PIK3CD: variants seen among roughly 807,000 people sequenced by gnomAD.
The protein encoded by PIK3CD is phosphatidylinositol-4,5-bisphosphate 3-kinase catalytic subunit delta.
In PIK3CD, 20 loss-of-function variants were observed where a neutral mutation model predicts 122.9. The observed-to-expected ratio is 0.16, with a 90% CI of 0.11 to 0.24. PIK3CD has a LOEUF of 0.24. Ranked by LOEUF, PIK3CD falls within the 10% of genes least tolerant of loss-of-function variation. The pLI is 1.00. For missense variants in PIK3CD, 787 were observed against 1,406.3 expected (o/e 0.56, Z 7.04); for synonymous variants, 596 against 593.4 (o/e 1.00, Z -0.06).
At chr1:9,650,596 C>T (rs570312938), upstream of PIK3CD, among the ~76,000 whole-genome samples, 35 of 151,496 alleles carry the variant, frequency 2.3e-4, no homozygotes, top group South Asian at 6.7e-3. Flanking sequence ...TGCATTCCAG[C>T]CTGGACAACA....
At chr1:9,658,351 A>G (rs532789984) in intron 1 of PIK3CD, among the ~76,000 whole-genome samples, 27 of 145,260 alleles carry the variant, frequency 1.9e-4, no homozygotes, top group African/African-American at 7.0e-4. Flanking sequence ...GCAACACTGC[A>G]CTCTAGCCTG....
At chr1:9,638,458 A>C in the PIK3CD span, among the ~76,000 whole-genome samples, 12 of 152,026 alleles carry the variant, frequency 7.9e-5, no homozygotes, top group African/African-American at 1.4e-4. Context: ...CTAGGCCGGG[A>C]GCGGTGGCTC....
In PIK3CD at chr1:9,728,695, AGTGCGCCTGT is replaced by A. The variant is rs1427004742; in HGVS notation, c.*1656_*1665del. 2 of 152,366 alleles carry A rather than the reference AGTGCGCCTGT, an allele frequency of 1.3e-5. No individual in the cohort carries two copies. The highest frequency in any genetic ancestry group is 6.5e-5 in the Admixed American group (1 of 15,308). The allele number at this position is 152,366 out of a possible 1,614,324, so 9.4% of individuals were successfully genotyped here. A position where few individuals can be genotyped will look rare whatever the true frequency, so the allele number is the denominator to read the frequency against. On this transcript the variant is annotated 3_prime_UTR_variant, in exon 24 of 24. Coordinates refer to ENST00000377346, the MANE Select transcript of PIK3CD (RefSeq NM_005026.5). ...GCCGTGCGTGCGCGTTATTTATTTA[AGTGCGCCTGT>A]GTGCGCGGGTGTGGGAGCACACTTT... is the stretch of plus-strand genomic sequence containing the variant.
At chr1:9,657,464 AAAG>A (rs1644890845) in intron 1 of PIK3CD, among the ~76,000 whole-genome samples, 1 of 152,024 alleles carries the variant, frequency 6.6e-6, no homozygotes, top group Non-Finnish European at 1.5e-5. Context: ...GACTTTAGGC[AAAG>A]ATGTCAGAGT....
At chr1:9,654,119 G>A (rs7511971) in intron 1 of PIK3CD, 267,107 of 1,190,944 alleles carry the variant, frequency 0.22, 38,073 homozygotes, top group East Asian at 0.65. Context: ...AGACAACTAA[G>A]CTAGCCTCCT....
chr1:9,709,955 G>A (rs541662645), intron 2 of PIK3CD, among the ~76,000 whole-genome samples: 6 of 151,940 alleles, frequency 3.9e-5, no homozygotes, highest in Non-Finnish European at 7.4e-5. Context: ...GCAGTGAGCC[G>A]AGGTGGTGCC....
intron 1 of PIK3CD, among the ~76,000 whole-genome samples, chr1:9,683,582 G>T (rs899503509): frequency 6.6e-6 from 1 of 152,114 alleles, no homozygotes; most frequent in Non-Finnish European, 1.5e-5. Flanking sequence ...TTCCTGCACG[G>T]CTTCGGCGTC....
Position 9,719,014 on chromosome 1 carries a change from C to A in PIK3CD, c.1242+99C>A. The A allele has an allele frequency of 8.7e-7, 1 of 1,151,386 alleles. No homozygotes were observed. Among genetic ancestry groups the A allele is most frequent in the Non-Finnish European group, 1.3e-6 (1 of 791,724 alleles). 71.3% of individuals were successfully genotyped at this position (1,151,386 alleles called of 1,614,324 possible). On this transcript the variant is annotated intron_variant, in intron 9 of 23. Transcript: ENST00000377346. This position sits in a 1 kb window ranked among gnomAD's most constrained non-coding sequence, Gnocchi z 5.5. The stretch of plus-strand genomic sequence containing the variant: ...ACTCTCCTCCCGGCAAGCACGCAGC[C>A]TGGGGATGGGGGTCCTGGGATTGCT...
chr1:9,684,322 G>C (rs373187152), intron 1 of PIK3CD, among the ~76,000 whole-genome samples: 25 of 152,044 alleles, frequency 1.6e-4, no homozygotes, highest in African/African-American at 5.5e-4. Flanking sequence ...GGATCACCTG[G>C]GGTCAGGAGT....
chr1:9,674,692 CAAAA>C (rs35463378), intron 1 of PIK3CD, among the ~76,000 whole-genome samples: 1 of 58,212 alleles, frequency 1.7e-5, no homozygotes, highest in Non-Finnish European at 3.8e-5. Flanking sequence ...GACTCCGTCT[CAAAA>C]AAAAAAAAAA....
At chr1:9,658,981 G>T (rs903509245) in intron 1 of PIK3CD, among the ~76,000 whole-genome samples, 6 of 152,230 alleles carry the variant, frequency 3.9e-5, no homozygotes, top group Non-Finnish European at 7.3e-5. Context: ...TGTCTGCAAA[G>T]GAGCTGGTGT....
In PIK3CD at chr1:9,716,451, C is replaced by T. The variant is rs777129776; in HGVS notation, c.612C>T (p.Thr204=). 3.1e-6 allele frequency: 5 copies of T among 1,611,094 alleles called. No individual in the cohort carries two copies. The highest frequency in any genetic ancestry group is 2.2e-5 in the East Asian group (1 of 44,890). Residue 204 remains threonine, a synonymous_variant, in exon 6 of 24, where the codon ACC becomes ACT. Transcript: ENST00000377346. ...CCTCCTCCCCACAGGAGAGCTTCACCTTCCAGGTGTCCACCAAGGACGTGC... is the reference window on the plus strand; with the variant it reads ...CCTCCTCCCCACAGGAGAGCTTCACTTTCCAGGTGTCCACCAAGGACGTGC... ...VKFEGSEESF[T]FQVSTKDVPL...
chr1:9,718,306 A>G lies in PIK3CD; in HGVS notation c.1021-388A>G, dbSNP rs1647883999. The G allele has an allele frequency of 2.2e-6, 1 of 458,692 alleles. No homozygotes were observed. Among genetic ancestry groups the G allele is most frequent in the Non-Finnish European group, 4.3e-6 (1 of 235,210 alleles). 28.4% of individuals were successfully genotyped at this position (458,692 alleles called of 1,614,324 possible). ...GTGGAATTGGAAGGGGCCGGACATC[A>G]GGTGGCAGGAAAAGTCCTTCCCCAC... On this transcript the variant is annotated intron_variant, in intron 8 of 23. Transcript: ENST00000377346. This position sits in a 1 kb window ranked among gnomAD's most constrained non-coding sequence, Gnocchi z 7.2.
Position 9,727,601 on chromosome 1 carries a change from G to A in PIK3CD, c.*555G>A, listed in dbSNP as rs1282274390. On this transcript the variant is annotated 3_prime_UTR_variant, in exon 24 of 24. Coordinates refer to ENST00000377346, the MANE Select transcript of PIK3CD (RefSeq NM_005026.5). The stretch of plus-strand genomic sequence containing the variant: ...GAGAATTCCCTCATCTTTCTCTACT[G>A]TAAAGTGATTTTGTTTGCAGGTAAG... 3 of 223,104 alleles carry A rather than the reference G, an allele frequency of 1.3e-5. No individual in the cohort carries two copies. Among genetic ancestry groups the A allele is most frequent in the Admixed American group, 1.0e-4 (2 of 19,680 alleles). 13.8% of individuals were successfully genotyped at this position (223,104 alleles called of 1,614,324 possible). A position where few individuals can be genotyped will look rare whatever the true frequency, so the allele number is the denominator to read the frequency against.
chr1:9,705,037 T>C (rs546568780), intron 2 of PIK3CD, among the ~76,000 whole-genome samples: 1 of 152,322 alleles, frequency 6.6e-6, no homozygotes, highest in East Asian at 1.9e-4. Context: ...TTCAACCAAA[T>C]ATTTCTTTTC....
intron 1 of PIK3CD, among the ~76,000 whole-genome samples, chr1:9,666,866 A>AT (rs57178903): frequency 0.077 from 8,654 of 111,712 alleles, 387 homozygotes; most frequent in African/African-American, 0.16. Context: ...CATGCCTGCT[A>AT]TTTTTTTTTT....
At chr1:9,636,199 A>AT in the PIK3CD span, among the ~76,000 whole-genome samples, 4 of 151,824 alleles carry the variant, frequency 2.6e-5, no homozygotes, top group Non-Finnish European at 5.9e-5. Context: ...ACAATTCTGC[A>AT]TTTTTTTGGG....
chr1:9,633,765 A>G, the PIK3CD span, among the ~76,000 whole-genome samples: 1 of 152,176 alleles, frequency 6.6e-6, no homozygotes, highest in Non-Finnish European at 1.5e-5. Context: ...TTGGGATAGA[A>G]AGAAGGTTTT....
chr1:9,647,498 T>TTA (rs1376032658), upstream of PIK3CD, among the ~76,000 whole-genome samples: 2 of 147,268 alleles, frequency 1.4e-5, no homozygotes, highest in Non-Finnish European at 3.0e-5. Flanking sequence ...ATTATTATTA[T>TTA]TATTATTATT....
Sources: allele counts gnomAD v4.1 joint callset (sites outside exome capture counted in the v4.1 genomes callset), GRCh38; gene constraint gnomAD v4.1.1; non-coding constraint Gnocchi (gnomAD v3.1); transcripts MANE v1.5; gene names NCBI Gene and HGNC (gene_info 2026-07-23, HGNC 2026-07-21).